Variants in ROBO2 observed in about 807,000 individuals in gnomAD.
ROBO2 encodes the protein roundabout homolog 2.
ROBO2 carries 53 observed loss-of-function variants against 160.8 expected under a neutral mutation model. The ratio of observed to expected loss-of-function variants is 0.33; its 90% CI spans 0.26 to 0.41. The LOEUF is 0.41. ROBO2 is among the 10% of genes least tolerant of loss of function. ROBO2 has a pLI of 1.00. For synonymous variants in ROBO2, 664 were observed against 611.7 expected (o/e 1.09, Z -1.26); for missense variants, 1,577 against 1,722.4 (o/e 0.92, Z 1.49).
intron 2 of ROBO2, among the ~76,000 whole-genome samples, chr3:77,220,001 T>C (rs1187901121): frequency 6.6e-6 from 1 of 151,866 alleles, no homozygotes; most frequent in Non-Finnish European, 1.5e-5. Context: ...CTAATAGTTC[T>C]GTTTTTTTGT....
intron 2 of ROBO2, among the ~76,000 whole-genome samples, chr3:77,269,472 T>C (rs1253557388): frequency 6.6e-6 from 1 of 152,174 alleles, no homozygotes; most frequent in African/African-American, 2.4e-5. Flanking sequence ...GATTTGGCGT[T>C]CCTAGCATCA....
chr3:77,308,488 T>A (rs2063285781), intron 2 of ROBO2, among the ~76,000 whole-genome samples: 1 of 152,088 alleles, frequency 6.6e-6, no homozygotes, highest in Admixed American at 6.5e-5. Context: ...GCTGGATATA[T>A]CCAAATAGAC....
intron 2 of ROBO2, among the ~76,000 whole-genome samples, chr3:75,940,810 A>G (rs1948021171): frequency 6.6e-6 from 1 of 152,128 alleles, no homozygotes; most frequent in Non-Finnish European, 1.5e-5. Context: ...GGTGTAATTA[A>G]TGGCACAGCG....
At chr3:77,196,288 G>A (rs1425266096) in intron 2 of ROBO2, among the ~76,000 whole-genome samples, 2 of 149,852 alleles carry the variant, frequency 1.3e-5, no homozygotes, top group Non-Finnish European at 3.0e-5. Flanking sequence ...TACGGTATTT[G>A]AATGTTGCAT....
chr3:76,740,033 A>T (rs2093776900), intron 2 of ROBO2, among the ~76,000 whole-genome samples: 2 of 152,186 alleles, frequency 1.3e-5, no homozygotes, highest in African/African-American at 4.8e-5. Context: ...TTGCCTATAT[A>T]ACACTGTATC....
chr3:77,474,691 C>CACACACACACAT lies in ROBO2; in HGVS notation c.389-2723_389-2722insACACACACACAT, dbSNP rs1553973682. Reference sequence around the variant, plus strand: ...ACACACACACACACACACACACACACTCAATTTAGAATTTAAAATTGCTTT... The same window carrying CACACACACACAT: ...ACACACACACACACACACACACACACACACACACACATTCAATTTAGAATTTAAAATTGCTTT... On this transcript the variant is annotated intron_variant, in intron 2 of 25. Transcript: ENST00000461745. Among the ~76,000 whole-genome samples, 36 of 150,854 alleles carry CACACACACACAT rather than the reference C, an allele frequency of 2.4e-4. 1 individual carries two copies. Among genetic ancestry groups the CACACACACACAT allele is most frequent in the African/African-American group, 6.8e-4 (28 of 41,060 alleles).
intron 2 of ROBO2, among the ~76,000 whole-genome samples, chr3:76,671,278 G>A (rs2106653583): frequency 6.6e-6 from 1 of 152,116 alleles, no homozygotes; most frequent in Non-Finnish European, 1.5e-5. Context: ...TCCCCCTCAC[G>A]CCATGCAGGA....
chr3:76,882,828 T>G (rs1376672808), intron 2 of ROBO2, among the ~76,000 whole-genome samples: 2 of 152,186 alleles, frequency 1.3e-5, no homozygotes, highest in East Asian at 3.9e-4. Context: ...GAAACTCAAC[T>G]CTTGCATAGA....
intron 2 of ROBO2, among the ~76,000 whole-genome samples, chr3:76,733,841 T>C (rs977314050): frequency 6.6e-6 from 1 of 152,204 alleles, no homozygotes; most frequent in Non-Finnish European, 1.5e-5. Context: ...TTATTTCTTA[T>C]AGTTCTGGAG....
At chr3:77,096,574 G>T (rs1183327544) in intron 1 of ROBO2, among the ~76,000 whole-genome samples, 4 of 151,432 alleles carry the variant, frequency 2.6e-5, no homozygotes, top group Non-Finnish European at 5.9e-5. Flanking sequence ...TCAGCCTCCC[G>T]AGTAGCTGGG....
chr3:76,828,990 C>A (rs1234539560), intron 2 of ROBO2, among the ~76,000 whole-genome samples: 1 of 152,096 alleles, frequency 6.6e-6, no homozygotes, highest in Non-Finnish European at 1.5e-5. Context: ...TGCCCACCTC[C>A]TTCTTGCCTT....
intron 2 of ROBO2, among the ~76,000 whole-genome samples, chr3:76,447,245 A>G (rs4613461): frequency 0.88 from 134,391 of 152,128 alleles, 59,531 homozygotes; most frequent in East Asian, 0.95. Context: ...ATGAACAGAC[A>G]CTTCTCAAAA....
At chr3:77,109,373 A>AT (rs11440407) in intron 2 of ROBO2, among the ~76,000 whole-genome samples, 60,527 of 151,814 alleles carry the variant, frequency 0.4, 12,824 homozygotes, top group African/African-American at 0.52. Context: ...TATGTTGTGC[A>AT]TTTTTTTTGC....
At chr3:77,609,607 A>G (rs571158462) in intron 21 of ROBO2, among the ~76,000 whole-genome samples, 39 of 151,998 alleles carry the variant, frequency 2.6e-4, no homozygotes, top group African/African-American at 8.2e-4. Flanking sequence ...CCCCTGCAAT[A>G]AAACCAATTA....
chr3:76,224,066 A>G (rs571288922), intron 2 of ROBO2, among the ~76,000 whole-genome samples: 97 of 152,166 alleles, frequency 6.4e-4, no homozygotes, highest in African/African-American at 2.2e-3. Flanking sequence ...AGTTCAGAAA[A>G]CTCAACTACA....
chr3:77,527,271 AATTGTGAGACTAG>A (rs2091254745), intron 6 of ROBO2, 119 bp from the exon 7 acceptor site: 2 of 492,702 alleles, frequency 4.1e-6, no homozygotes, highest in Non-Finnish European at 6.5e-6. Flanking sequence ...GTCATACTTG[AATTGTGAGACTAG>A]AAATCACTCT....
chr3:77,534,766 G>T (rs1459815889), intron 6 of ROBO2, among the ~76,000 whole-genome samples: 2 of 152,056 alleles, frequency 1.3e-5, no homozygotes, highest in South Asian at 2.1e-4. Flanking sequence ...ATTTACTGAG[G>T]TTATTATTTT....
intron 2 of ROBO2, among the ~76,000 whole-genome samples, chr3:77,160,959 G>A (rs1429935216): frequency 2.0e-5 from 3 of 152,132 alleles, no homozygotes; most frequent in African/African-American, 2.4e-5. Context: ...GTTTCCTATG[G>A]ATTCAGAATA....
At chr3:77,177,659 G>A (rs1370016113) in intron 2 of ROBO2, among the ~76,000 whole-genome samples, 1 of 151,890 alleles carries the variant, frequency 6.6e-6, no homozygotes, top group Non-Finnish European at 1.5e-5. Flanking sequence ...ACAGATGGGG[G>A]CCATTGGATA....
Sources: allele counts gnomAD v4.1 joint callset (sites outside exome capture counted in the v4.1 genomes callset), GRCh38; gene constraint gnomAD v4.1.1; transcripts MANE v1.5; gene names NCBI Gene and HGNC (gene_info 2026-07-23, HGNC 2026-07-21).